ROR2: variants seen among roughly 807,000 people sequenced by gnomAD.
The protein encoded by ROR2 is tyrosine-protein kinase transmembrane receptor ROR2.
A neutral mutation model predicts 74.9 loss-of-function variants in ROR2; 33 were observed. The ratio of observed to expected loss-of-function variants is 0.44; its 90% CI spans 0.33 to 0.59. The LOEUF (loss-of-function observed/expected upper bound fraction) is 0.59, where lower values mean the gene tolerates loss of function less well. Ranked by LOEUF, ROR2 falls within the 20% of genes least tolerant of loss-of-function variation. The probability of loss-of-function intolerance (pLI) is 0.02; values close to 1 mark genes in which losing one functional copy is unlikely to be tolerated. For synonymous variants in ROR2, 586 were observed against 558.7 expected, an observed-to-expected ratio of 1.05 and a Z score of -0.69; for missense variants, 1,216 against 1,313.8, an observed-to-expected ratio of 0.93 and a Z score of 1.15.
At chr9:91,810,224 T>G (rs555975318) in intron 1 of ROR2, among the ~76,000 whole-genome samples, 2 of 152,272 alleles carry the variant, frequency 1.3e-5, no homozygotes, top group South Asian at 4.1e-4. Context: ...TCACCAGGGC[T>G]TGGCATCGGT....
In ROR2 at chr9:91,726,757, G is replaced by C; in HGVS notation, c.1184-14C>G. ...TGTCTCGGGGACCTGTGAACAATAA[G>C]GCTTTCGTGATTTTTCAGAAAACAT... On this transcript the variant is annotated splice_polypyrimidine_tract_variant and intron_variant, in intron 7 of 8. Coordinates refer to ENST00000375708, the MANE Select transcript of ROR2 (RefSeq NM_004560.4). The C allele has an allele frequency of 6.2e-7, 1 of 1,613,340 alleles. No homozygotes were observed. The highest frequency in any genetic ancestry group is 8.5e-7 in the Non-Finnish European group (1 of 1,179,552).
intron 4 of ROR2, among the ~76,000 whole-genome samples, chr9:91,740,574 A>G (rs938413297): frequency 6.8e-6 from 1 of 146,598 alleles, no homozygotes; most frequent in Non-Finnish European, 1.5e-5. Flanking sequence ...GAATATATAT[A>G]TGTATATATA....
chr9:91,948,937 C>T, intron 1 of ROR2: 1 of 985,086 alleles, frequency 1.0e-6, no homozygotes, highest in Non-Finnish European at 1.2e-6. Context: ...AACGCCGCCT[C>T]CTCCAGGCAA....
In ROR2 at chr9:91,722,730, T is replaced by G. The variant is rs1404522236; in HGVS notation, c.*932A>C. The G allele has an allele frequency of 4.3e-6, 3 of 691,582 alleles. No homozygotes were observed. In the African/African-American group the frequency reaches 5.2e-5, roughly 12 times the overall value. The allele number at this position is 691,582 out of a possible 1,614,324, so 42.8% of individuals were successfully genotyped here. A position where few individuals can be genotyped will look rare whatever the true frequency, so the allele number is the denominator to read the frequency against. On this transcript the variant is annotated 3_prime_UTR_variant, in exon 9 of 9. Coordinates refer to ENST00000375708, the MANE Select transcript of ROR2 (RefSeq NM_004560.4). ...GGCTGTAAAATGAATGGACCTCATG[T>G]GCACGTGGTACAGAGAGAAGCAAAC...
intron 2 of ROR2, among the ~76,000 whole-genome samples, chr9:91,767,644 A>T (rs530458924): frequency 2.6e-5 from 4 of 152,228 alleles, no homozygotes; most frequent in Non-Finnish European, 5.9e-5. Flanking sequence ...AGGTTAATAA[A>T]TCCGTTGCGG....
At chr9:91,856,149 G>A (rs1335278976) in intron 1 of ROR2, among the ~76,000 whole-genome samples, 1 of 152,330 alleles carries the variant, frequency 6.6e-6, no homozygotes, top group East Asian at 1.9e-4. Context: ...TTGAGGCCAG[G>A]AGTTTGAGAC....
chr9:91,877,080 G>A (rs893749712), intron 1 of ROR2, among the ~76,000 whole-genome samples: 1 of 152,146 alleles, frequency 6.6e-6, no homozygotes, highest in Admixed American at 6.5e-5. Context: ...GCAGTGAACC[G>A]CTCAGAAGGC....
At chr9:91,822,493 TGA>T (rs1828166674) in intron 1 of ROR2, among the ~76,000 whole-genome samples, 1 of 152,212 alleles carries the variant, frequency 6.6e-6, no homozygotes, top group Non-Finnish European at 1.5e-5. Context: ...TGTAATACAC[TGA>T]GTTTTTAAAA....
chr9:91,879,299 A>T (rs1830040125), intron 1 of ROR2, among the ~76,000 whole-genome samples: 1 of 152,192 alleles, frequency 6.6e-6, no homozygotes, highest in Admixed American at 6.5e-5. Flanking sequence ...AGGGAAAGTG[A>T]TGATGTCCTT....
chr9:91,806,609 T>A (rs1268009759), intron 1 of ROR2, among the ~76,000 whole-genome samples: 3 of 152,186 alleles, frequency 2.0e-5, no homozygotes, highest in Non-Finnish European at 2.9e-5. Flanking sequence ...TGTTTGTTTG[T>A]GACAGAGTCT....
At chr9:91,869,606 T>G (rs962190162) in intron 1 of ROR2, among the ~76,000 whole-genome samples, 10 of 152,114 alleles carry the variant, frequency 6.6e-5, no homozygotes, top group African/African-American at 2.4e-4. Flanking sequence ...TTGACATTCT[T>G]AAAAAGACAA....
chr9:91,937,621 C>A (rs1332651084), intron 1 of ROR2, among the ~76,000 whole-genome samples: 1 of 152,032 alleles, frequency 6.6e-6, no homozygotes, highest in Non-Finnish European at 1.5e-5. Flanking sequence ...CTCACTTGTT[C>A]CAATTTGTAG....
chr9:91,925,119 C>T (rs1367064958), intron 1 of ROR2, among the ~76,000 whole-genome samples: 1 of 152,124 alleles, frequency 6.6e-6, no homozygotes, highest in Non-Finnish European at 1.5e-5. Flanking sequence ...CCCCAAAGTG[C>T]TGAGATTACA....
intron 1 of ROR2, among the ~76,000 whole-genome samples, chr9:91,829,203 C>T (rs548433317): frequency 1.3e-5 from 2 of 152,334 alleles, no homozygotes; most frequent in South Asian, 4.1e-4. Flanking sequence ...TACAGATTAA[C>T]ATGCTCTACC....
intron 1 of ROR2, among the ~76,000 whole-genome samples, chr9:91,850,568 C>T (rs1829059454): frequency 6.6e-6 from 1 of 152,136 alleles, no homozygotes; most frequent in Admixed American, 6.5e-5. Flanking sequence ...GTCTGGAAGC[C>T]AGAGAAGGCC....
chr9:91,829,213 C>T (rs767822433), intron 1 of ROR2, among the ~76,000 whole-genome samples: 3 of 152,188 alleles, frequency 2.0e-5, no homozygotes, highest in Non-Finnish European at 4.4e-5. Flanking sequence ...CATGCTCTAC[C>T]CTTCTCAGAA....
intron 1 of ROR2, among the ~76,000 whole-genome samples, chr9:91,832,331 T>C (rs1828484687): frequency 7.3e-6 from 1 of 136,460 alleles, no homozygotes. Flanking sequence ...ATGAGAAGTT[T>C]GGAGGAGTCT....
Position 91,930,751 on chromosome 9 carries a change from C to T in ROR2, c.97+19116G>A, listed in dbSNP as rs895204892. On this transcript the variant is annotated intron_variant, in intron 1 of 8. Transcript: ENST00000375708. ...AGCTGAGATACAACACACCTATAAGCGGTGTTCCTGAAAAACAGAATACAG... is the reference window on the plus strand; with the variant it reads ...AGCTGAGATACAACACACCTATAAGTGGTGTTCCTGAAAAACAGAATACAG... Among the ~76,000 whole-genome samples, 12 of 152,260 alleles carry T rather than the reference C, an allele frequency of 7.9e-5. No individual in the cohort carries two copies. The East Asian group carries it at 1.5e-3, about 20-fold the overall frequency.
intron 6 of ROR2, among the ~76,000 whole-genome samples, chr9:91,732,829 G>A (rs191375096): frequency 6.6e-6 from 1 of 152,332 alleles, no homozygotes; most frequent in East Asian, 1.9e-4. Context: ...TTCAGAGAAG[G>A]GAAATCCCAG....
Sources: allele counts gnomAD v4.1 joint callset (sites outside exome capture counted in the v4.1 genomes callset), GRCh38; gene constraint gnomAD v4.1.1; transcripts MANE v1.5; gene names NCBI Gene and HGNC (gene_info 2026-07-23, HGNC 2026-07-21).